Variants in RASSF3 observed in about 807,000 individuals in gnomAD.
RASSF3 encodes ras association domain-containing protein 3.
Under a neutral mutation model 19.9 loss-of-function variants are expected in RASSF3, and 19 were observed. The ratio of observed to expected loss-of-function variants is 0.96; its 90% CI spans 0.67 to 1.40. RASSF3 has a LOEUF of 1.40. RASSF3 is among the 40% of genes most tolerant of loss of function. The pLI is 0.00. For synonymous variants in RASSF3, 110 were observed against 104.2 expected (o/e 1.06, Z -0.34); for missense variants, 306 against 289.8 (o/e 1.06, Z -0.41).
At chr12:64,526,092 A>T (rs1868580473) in intron 1 of RASSF3, among the ~76,000 whole-genome samples, 1 of 152,136 alleles carries the variant, frequency 6.6e-6, no homozygotes, top group Non-Finnish European at 1.5e-5. Context: ...GTGATTATTC[A>T]TACTGCTTTC....
chr12:64,551,775 A>C (rs139813838), intron 2 of RASSF3, among the ~76,000 whole-genome samples: 3 of 152,318 alleles, frequency 2.0e-5, no homozygotes, highest in African/African-American at 7.2e-5. Context: ...GCATAGACAC[A>C]TGGTTTGTAA....
At chr12:64,535,614 C>T (rs1188615347) in intron 1 of RASSF3, among the ~76,000 whole-genome samples, 2 of 152,102 alleles carry the variant, frequency 1.3e-5, no homozygotes, top group African/African-American at 4.8e-5. Context: ...AATCCTCTCA[C>T]CTTGACCTCC....
chr12:64,555,748 CAA>C (rs10719297), intron 2 of RASSF3, among the ~76,000 whole-genome samples: 92 of 141,404 alleles, frequency 6.5e-4, no homozygotes, highest in Non-Finnish European at 7.5e-4. Context: ...GACTCTATCT[CAA>C]AAAAAAAAAA....
At chr12:64,619,301 T>C (rs553557007) in intron 1 of RASSF3, among the ~76,000 whole-genome samples, 1 of 152,116 alleles carries the variant, frequency 6.6e-6, no homozygotes, top group African/African-American at 2.4e-5. Flanking sequence ...CATTTTGGGG[T>C]TGTGAAACTT....
At chr12:64,659,012 G>A (rs1018959823) in intron 1 of RASSF3, among the ~76,000 whole-genome samples, 1 of 152,202 alleles carries the variant, frequency 6.6e-6, no homozygotes, top group African/African-American at 2.4e-5. Flanking sequence ...TATTAAGGCT[G>A]CAGTGAACCA....
intron 2 of RASSF3, among the ~76,000 whole-genome samples, chr12:64,561,622 A>G (rs1186437114): frequency 2.6e-5 from 4 of 152,110 alleles, no homozygotes; most frequent in Admixed American, 6.5e-5. Flanking sequence ...ATGCACTTCC[A>G]TAACATCAAG....
At chr12:64,519,746 C>A (rs1868429212) in intron 1 of RASSF3, among the ~76,000 whole-genome samples, 2 of 151,742 alleles carry the variant, frequency 1.3e-5, no homozygotes, top group Non-Finnish European at 2.9e-5. Flanking sequence ...AGATTAATTA[C>A]CTAAGCAATC....
chr12:64,613,762 A>T (rs1264278435), intron 1 of RASSF3, among the ~76,000 whole-genome samples: 1 of 152,010 alleles, frequency 6.6e-6, no homozygotes, highest in African/African-American at 2.4e-5. Context: ...CCTGGACAAC[A>T]TGGTGAAACC....
chr12:64,607,127 T>C (rs1302328090), upstream of RASSF3, among the ~76,000 whole-genome samples: 1 of 150,772 alleles, frequency 6.6e-6, no homozygotes, highest in Non-Finnish European at 1.5e-5. Context: ...ACAAAAAAAA[T>C]ATAAAAATTA....
At chr12:64,591,047 G>A (rs1869912528) in intron 2 of RASSF3, among the ~76,000 whole-genome samples, 1 of 152,180 alleles carries the variant, frequency 6.6e-6, no homozygotes, top group African/African-American at 2.4e-5. Flanking sequence ...CTTTGAAGAT[G>A]AAAGGATGCT....
intron 1 of RASSF3, among the ~76,000 whole-genome samples, chr12:64,627,199 A>G (rs1871026370): frequency 1.3e-5 from 2 of 152,200 alleles, no homozygotes; most frequent in Non-Finnish European, 2.9e-5. Context: ...TAAATTAATG[A>G]CACATTCTCA....
chr12:64,621,111 T>G (rs1156775766), intron 1 of RASSF3, among the ~76,000 whole-genome samples: 1 of 151,958 alleles, frequency 6.6e-6, no homozygotes, highest in African/African-American at 2.4e-5. Context: ...AATTTTTGTA[T>G]TTTTAGTAGA....
At chr12:64,616,010 G>A (rs945720889) in intron 1 of RASSF3, among the ~76,000 whole-genome samples, 4 of 152,032 alleles carry the variant, frequency 2.6e-5, no homozygotes, top group African/African-American at 4.8e-5. Flanking sequence ...TTTAATTCCC[G>A]TATTATGGGG....
chr12:64,597,733 C>T (rs913715028), intron 2 of RASSF3, among the ~76,000 whole-genome samples: 1 of 152,286 alleles, frequency 6.6e-6, no homozygotes, highest in African/African-American at 2.4e-5. Context: ...GCCGGGATTA[C>T]AGGCATGCGC....
chr12:64,577,555 A>G (rs1350680118), intron 2 of RASSF3, among the ~76,000 whole-genome samples: 2 of 152,096 alleles, frequency 1.3e-5, no homozygotes, highest in African/African-American at 2.4e-5. Context: ...ACATGGGGGA[A>G]TCCCCGTCTC....
chr12:64,694,626 G>C lies in RASSF3; in HGVS notation c.568-137G>C, dbSNP rs1404882770. On this transcript the variant is annotated intron_variant, in intron 4 of 4. Transcript: ENST00000542104. Reference sequence around the variant, plus strand: ...GAGCCCTTAGGCTGGCAACACCCCAGCTCTTGCAGACCACACCTTCTGCGG... The same window carrying C: ...GAGCCCTTAGGCTGGCAACACCCCACCTCTTGCAGACCACACCTTCTGCGG... 40 of 911,824 alleles carry C rather than the reference G, an allele frequency of 4.4e-5. No individual in the cohort carries two copies. The East Asian group carries it at 1.0e-3, about 23-fold the overall frequency. The allele number at this position is 911,824 out of a possible 1,614,324, so 56.5% of individuals were successfully genotyped here.
chr12:64,649,581 G>A (rs1871866274), intron 1 of RASSF3, among the ~76,000 whole-genome samples: 1 of 152,174 alleles, frequency 6.6e-6, no homozygotes, highest in African/African-American at 2.4e-5. Context: ...AATGGTCCTA[G>A]GGTACCCGGT....
At chr12:64,637,468 G>A (rs10784417) in intron 1 of RASSF3, among the ~76,000 whole-genome samples, 41,894 of 147,604 alleles carry the variant, frequency 0.28, 6,462 homozygotes, top group Non-Finnish European at 0.36. Context: ...CTGTTGCCCA[G>A]GCCCAGGCTG....
chr12:64,594,011 CAAAAAA>C (rs34463362), intron 2 of RASSF3, among the ~76,000 whole-genome samples: 2 of 45,976 alleles, frequency 4.4e-5, no homozygotes, highest in Non-Finnish European at 7.6e-5. Flanking sequence ...GACTCTGTCT[CAAAAAA>C]AAAAAAAAAA....
Sources: gnomAD v4.1 joint callset for allele counts (sites outside exome capture counted in the v4.1 genomes callset) on GRCh38, gnomAD v4.1.1 for gene constraint, MANE v1.5 for transcripts, NCBI Gene and HGNC (gene_info 2026-07-23, HGNC 2026-07-21) for gene names.